AFF3: variants seen among roughly 807,000 people sequenced by gnomAD.
The protein encoded by AFF3 is AF4/FMR2 family member 3.
Under a neutral mutation model 129.7 loss-of-function variants are expected in AFF3, and 32 were observed. The observed-to-expected ratio is 0.25, with a 90% CI of 0.19 to 0.33. The LOEUF is 0.33. AFF3 is among the 10% of genes least tolerant of loss of function. AFF3 has a pLI of 1.00. For missense variants in AFF3, 1,373 were observed against 1,592.0 expected, an observed-to-expected ratio of 0.86 and a Z score of 2.34; for synonymous variants, 644 against 635.4, an observed-to-expected ratio of 1.01 and a Z score of -0.20.
intron 4 of AFF3, among the ~76,000 whole-genome samples, chr2:100,037,834 A>G (rs935349292): frequency 1.4e-5 from 2 of 140,412 alleles, no homozygotes; most frequent in Non-Finnish European, 3.0e-5. Flanking sequence ...ATTAATCTAT[A>G]TCTATTTACA....
At chr2:99,602,310 G>C (rs529669228) in intron 13 of AFF3, among the ~76,000 whole-genome samples, 1 of 152,082 alleles carries the variant, frequency 6.6e-6, no homozygotes, top group Non-Finnish European at 1.5e-5. Flanking sequence ...ACACACTTTC[G>C]TATATTCCGG....
At chr2:99,556,513 C>T (rs918028551) in intron 22 of AFF3, among the ~76,000 whole-genome samples, 1 of 152,172 alleles carries the variant, frequency 6.6e-6, no homozygotes, top group African/African-American at 2.4e-5. Context: ...CAAGAAATAC[C>T]GGTAGGAACA....
chr2:99,842,351 G>A (rs1359375513), intron 7 of AFF3, among the ~76,000 whole-genome samples: 1 of 151,910 alleles, frequency 6.6e-6, no homozygotes, highest in African/African-American at 2.4e-5. Flanking sequence ...CTCCAAATTC[G>A]TGTTTATATT....
chr2:99,937,739 G>T (rs993781932), intron 7 of AFF3, among the ~76,000 whole-genome samples: 1 of 152,146 alleles, frequency 6.6e-6, no homozygotes, highest in Admixed American at 6.5e-5. Flanking sequence ...AACAGTAATA[G>T]AATAACAGAC....
At chr2:99,553,917 C>CAAAAAAAAAAA (rs1674649199) in intron 24 of AFF3, among the ~76,000 whole-genome samples, 64 of 72,424 alleles carry the variant, frequency 8.8e-4, no homozygotes, top group South Asian at 2.0e-3. Context: ...CTGTCTCAAA[C>CAAAAAAAAAAA]CAAAAAAAAA....
At chr2:99,646,717 C>A (rs772787770) in intron 13 of AFF3, among the ~76,000 whole-genome samples, 2 of 151,990 alleles carry the variant, frequency 1.3e-5, no homozygotes, top group Admixed American at 6.6e-5. Context: ...TTGAGGCACT[C>A]GGGTCATTTT....
At chr2:99,860,861 G>C (rs1410588468) in intron 7 of AFF3, among the ~76,000 whole-genome samples, 1 of 152,162 alleles carries the variant, frequency 6.6e-6, no homozygotes, top group Non-Finnish European at 1.5e-5. Flanking sequence ...ACTACCCATA[G>C]TTATCATGTT....
rs1014155216 is a variant in AFF3 at position 99,817,783 on chromosome 2, T to C, written c.921+19694A>G. Among the ~76,000 whole-genome samples the C allele has an allele frequency of 4.6e-5, 7 of 152,348 alleles. No individual in the cohort carries two copies. In the East Asian group the frequency reaches 1.2e-3, roughly 25 times the overall value. ...GTCAAGCACATGTTGCAGCTTCCAT[T>C]GTCGGAGAAGAAAATGAGTTAGAAA... On this transcript the variant is annotated intron_variant, in intron 8 of 24. Coordinates refer to ENST00000672756, the MANE Select transcript of AFF3 (RefSeq NM_001386135.1).
chr2:99,872,515 TA>T (rs1691947791), intron 7 of AFF3, among the ~76,000 whole-genome samples: 1 of 151,780 alleles, frequency 6.6e-6, no homozygotes, highest in Non-Finnish European at 1.5e-5. Flanking sequence ...GGTCTCATTT[TA>T]AAAATATCCT....
At position 99,593,287 on chromosome 2, in the gene AFF3, G is replaced by T; in HGVS notation, c.2374C>A (p.Pro792Thr). The change falls in exon 15 of 25, where the codon CCT (proline) becomes ACT (threonine). Residue 792 changes from proline to threonine, a missense_variant. Physicochemically the swap from Pro to Thr is conservative, Grantham distance 38. Coordinates refer to ENST00000672756, the MANE Select transcript of AFF3 (RefSeq NM_001386135.1). The stretch of plus-strand genomic sequence containing the variant: ...GCGCTCTCAGAGTCCTTGGTGGCAG[G>T]GGCGCTCAATACCCCTGGCTCCTGG... ...LPQEPGVLSA[P>T]ATKDSESAPP... The T allele has an allele frequency of 6.2e-7, 1 of 1,613,942 alleles. No individual in the cohort carries two copies. Among genetic ancestry groups the T allele is most frequent in the African/African-American group, 1.3e-5 (1 of 75,004 alleles).
chr2:99,759,860 C>T (rs903412479), intron 8 of AFF3, among the ~76,000 whole-genome samples: 1 of 152,142 alleles, frequency 6.6e-6, no homozygotes, highest in African/African-American at 2.4e-5. Context: ...TCCTGATTTC[C>T]TCTTCTATCA....
chr2:100,134,191 A>G (rs1451842754), intron 1 of AFF3, among the ~76,000 whole-genome samples: 1 of 152,184 alleles, frequency 6.6e-6, no homozygotes, highest in East Asian at 1.9e-4. Context: ...TTTGACAGCT[A>G]CTACAGGGGA....
intron 10 of AFF3, among the ~76,000 whole-genome samples, chr2:99,732,301 T>C (rs1010194101): frequency 6.6e-5 from 10 of 151,014 alleles, no homozygotes; most frequent in African/African-American, 2.5e-4. Context: ...TGAGCCGAGA[T>C]TGTGCCACTG....
chr2:99,714,184 C>T (rs1224499011), intron 11 of AFF3, among the ~76,000 whole-genome samples: 1 of 152,144 alleles, frequency 6.6e-6, no homozygotes, highest in Non-Finnish European at 1.5e-5. Flanking sequence ...AATGCCTAAT[C>T]GCCCTCTCAG....
At chr2:100,008,673 G>T in intron 5 of AFF3, 139 bp downstream of exon 5, 1 of 1,060,616 alleles carries the variant, frequency 9.4e-7, no homozygotes, top group Non-Finnish European at 1.3e-6. Flanking sequence ...CGTACTTGGT[G>T]GCTGAGCTGT....
chr2:99,703,997 G>A (rs777447036), intron 11 of AFF3, among the ~76,000 whole-genome samples: 2 of 152,190 alleles, frequency 1.3e-5, no homozygotes, highest in Non-Finnish European at 2.9e-5. Context: ...TGGTGTCAAT[G>A]TTTTACCACT....
chr2:99,746,879 C>T (rs1157654810), intron 9 of AFF3, among the ~76,000 whole-genome samples: 1 of 148,930 alleles, frequency 6.7e-6, no homozygotes, highest in Admixed American at 6.7e-5. Context: ...GGCATCTGTA[C>T]TAGGGAGGGG....
At chr2:99,801,975 C>A (rs1400976232) in intron 8 of AFF3, among the ~76,000 whole-genome samples, 1 of 152,096 alleles carries the variant, frequency 6.6e-6, no homozygotes, top group Admixed American at 6.6e-5. Context: ...TATTATGTAT[C>A]AATTATCATA....
intron 11 of AFF3, among the ~76,000 whole-genome samples, chr2:99,679,053 T>C (rs1234913902): frequency 3.9e-5 from 6 of 152,162 alleles, no homozygotes; most frequent in African/African-American, 1.4e-4. Context: ...ATTTAGTGCA[T>C]CCAAGGCACA....
Sources: allele counts gnomAD v4.1 joint callset (sites outside exome capture counted in the v4.1 genomes callset), GRCh38; gene constraint gnomAD v4.1.1; transcripts MANE v1.5; gene names NCBI Gene and HGNC (gene_info 2026-07-23, HGNC 2026-07-21).